Variants in TNS1 observed in about 807,000 individuals in gnomAD.
The protein encoded by TNS1 is tensin-1.
Under a neutral mutation model 168.6 loss-of-function variants are expected in TNS1, and 62 were observed. The observed-to-expected ratio is 0.37, with a 90% CI of 0.30 to 0.45. TNS1 has a LOEUF of 0.45. Ranked by LOEUF, TNS1 falls within the 20% of genes least tolerant of loss-of-function variation. TNS1 has a pLI of 1.00. For missense variants in TNS1, 2,240 were observed against 2,339.4 expected (o/e 0.96, Z 0.88); for synonymous variants, 934 against 933.2 (o/e 1.00, Z -0.02).
chr2:217,889,997 G>A (rs1052334743), intron 12 of TNS1, among the ~76,000 whole-genome samples: 5 of 152,270 alleles, frequency 3.3e-5, no homozygotes, highest in African/African-American at 1.2e-4. Context: ...CCTCAGGACA[G>A]TGGGTCACAC....
intron 19 of TNS1, among the ~76,000 whole-genome samples, chr2:217,836,859 G>A (rs754921005): frequency 3.3e-5 from 5 of 152,084 alleles, no homozygotes; most frequent in Middle Eastern, 3.4e-3. Context: ...AGATAGCGGC[G>A]GATCCCACCA....
intron 3 of TNS1, among the ~76,000 whole-genome samples, chr2:217,949,472 C>G (rs1957191037): frequency 1.3e-5 from 2 of 152,216 alleles, no homozygotes; most frequent in Admixed American, 1.3e-4. Context: ...TATTTTGAGG[C>G]TTCTAGACCA....
At chr2:217,849,998 G>T (rs571891966) in intron 18 of TNS1, 1 of 985,342 alleles carries the variant, frequency 1.0e-6, no homozygotes, top group South Asian at 4.7e-5. Context: ...CATTCATGCT[G>T]CCCACTGCCA....
intron 12 of TNS1, among the ~76,000 whole-genome samples, chr2:217,888,337 A>C (rs1366391923): frequency 1.3e-5 from 2 of 152,142 alleles, no homozygotes; most frequent in African/African-American, 4.8e-5. Context: ...TGACACTGAC[A>C]AGAAGGCAGG....
intron 19 of TNS1, among the ~76,000 whole-genome samples, chr2:217,840,453 C>A (rs986591195): frequency 6.6e-6 from 1 of 152,272 alleles, no homozygotes; most frequent in Admixed American, 6.5e-5. Flanking sequence ...ACAGGACTAT[C>A]ATCTGTCCAC....
At chr2:217,932,964 C>A (rs556263359) in intron 3 of TNS1, among the ~76,000 whole-genome samples, 4 of 152,150 alleles carry the variant, frequency 2.6e-5, no homozygotes, top group Non-Finnish European at 5.9e-5. Flanking sequence ...GCACCAGGAG[C>A]CCCCGCAAGC....
chr2:217,944,378 C>T (rs563491488), intron 3 of TNS1, among the ~76,000 whole-genome samples: 4 of 151,968 alleles, frequency 2.6e-5, no homozygotes, highest in South Asian at 2.1e-4. Flanking sequence ...GGTGGGGAAG[C>T]GGGCAGGGAG....
intron 18 of TNS1, among the ~76,000 whole-genome samples, chr2:217,856,315 C>T (rs1376992869): frequency 6.6e-6 from 1 of 152,110 alleles, no homozygotes; most frequent in Non-Finnish European, 1.5e-5. Context: ...CGTGGAGAAC[C>T]CCAGCATGTG....
intron 24 of TNS1, 93 bp from the exon 25 acceptor site, chr2:217,815,091 G>T: frequency 9.9e-7 from 1 of 1,010,606 alleles, no homozygotes; most frequent in Non-Finnish European, 1.5e-6. Context: ...TTGTGAATTT[G>T]ACCTTATTTG....
At chr2:217,966,302 TG>T (rs1559391814) in intron 3 of TNS1, among the ~76,000 whole-genome samples, 2 of 140,738 alleles carry the variant, frequency 1.4e-5, no homozygotes, top group African/African-American at 6.0e-5. Context: ...TGTGTGTGTG[TG>T]TGTGTGCGCG....
At chr2:217,805,472 A>ACACACAC (rs1938403588) in intron 32 of TNS1, among the ~76,000 whole-genome samples, 1 of 76,082 alleles carries the variant, frequency 1.3e-5, no homozygotes, top group Non-Finnish European at 2.6e-5. Context: ...ACCACCACAC[A>ACACACAC]CACCACACAC....
At chr2:218,029,636 A>C (rs1958876986) in intron 1 of TNS1, among the ~76,000 whole-genome samples, 1 of 152,258 alleles carries the variant, frequency 6.6e-6, no homozygotes, top group African/African-American at 2.4e-5. Context: ...CATGATATTG[A>C]GCACAAAAGA....
At chr2:217,970,499 A>G (rs1390220735) in intron 3 of TNS1, among the ~76,000 whole-genome samples, 1 of 152,202 alleles carries the variant, frequency 6.6e-6, no homozygotes, top group Non-Finnish European at 1.5e-5. Context: ...AACAACCCAA[A>G]TGTCCACCAA....
intron 3 of TNS1, among the ~76,000 whole-genome samples, chr2:217,954,112 G>T (rs1957304911): frequency 6.6e-6 from 1 of 152,200 alleles, no homozygotes; most frequent in African/African-American, 2.4e-5. Context: ...GGCTCTCCTT[G>T]TCTCTCCAGC....
chr2:217,848,243 C>T lies in TNS1; in HGVS notation c.2274G>A (p.Pro758=), dbSNP rs146464519. Residue 758 remains proline, a synonymous_variant, in exon 19 of 33, where the codon CCG becomes CCA. Coordinates refer to ENST00000682258, the MANE Select transcript of TNS1 (RefSeq NM_001387777.1). ...CCTCCCGGCTGCTTCCCCCTCGGAC[C>T]GGAGCTGGGGGCAGCTGGGGTTCAG... ...SEAEPQLPPA[P]VRGGSSREAV... is the part of the protein sequence containing the mutation. 121 of 1,569,100 alleles carry T rather than the reference C, an allele frequency of 7.7e-5. No homozygotes were observed. In the African/African-American group the frequency reaches 1.4e-3, roughly 18 times the overall value.
intron 3 of TNS1, among the ~76,000 whole-genome samples, chr2:217,925,090 T>A (rs1575094171): frequency 6.6e-6 from 1 of 152,360 alleles, no homozygotes; most frequent in East Asian, 1.9e-4. Context: ...AACTCCTGAG[T>A]GTTTATGCTT....
intron 18 of TNS1, among the ~76,000 whole-genome samples, chr2:217,868,507 C>T (rs1366602438): frequency 6.6e-6 from 1 of 152,132 alleles, no homozygotes; most frequent in African/African-American, 2.4e-5. Flanking sequence ...AAGGTGAACT[C>T]GGGGAAGCAT....
chr2:217,905,076 A>G (rs942953793), intron 6 of TNS1, among the ~76,000 whole-genome samples: 7 of 152,180 alleles, frequency 4.6e-5, no homozygotes, highest in African/African-American at 1.7e-4. Flanking sequence ...AACACCCAAC[A>G]CAGCTCCCAG....
chr2:217,818,335 T>C lies in TNS1; in HGVS notation c.3997A>G (p.Thr1333Ala), dbSNP rs771628959. 4 of 1,613,986 alleles carry C rather than the reference T, an allele frequency of 2.5e-6. No homozygotes were observed. In the Admixed American group the frequency reaches 6.7e-5, roughly 27 times the overall value. ...GPPGTGFHGS[T>A]VSSPQSSAAT... ...GCACTGCTCTGGGGGCTGGAGACAG[T>C]GCTACCATGGAAGCCAGTGCCTGGT... The change falls in exon 24 of 33, where the codon ACT (threonine) becomes GCT (alanine). Residue 1333 changes from threonine (T) to alanine (A), a missense_variant. This residue lies in a region of TNS1 where 2,131 missense variants were observed against 2,171.2 expected (regional missense o/e 0.98). Coordinates refer to ENST00000682258, the MANE Select transcript of TNS1 (RefSeq NM_001387777.1).
Sources: allele counts gnomAD v4.1 joint callset (sites outside exome capture counted in the v4.1 genomes callset), GRCh38; gene constraint gnomAD v4.1.1; regional missense constraint gnomAD v4.1.1; transcripts MANE v1.5; gene names NCBI Gene and HGNC (gene_info 2026-07-23, HGNC 2026-07-21).